Variants in GRIP1 observed in about 807,000 individuals in gnomAD.
GRIP1 encodes the protein glutamate receptor interacting protein 1, also known as glutamate receptor-interacting protein 1.
A neutral mutation model predicts 129.9 loss-of-function variants in GRIP1; 45 were observed. That is an observed-to-expected ratio of 0.35 (90% CI 0.27 to 0.44). The LOEUF (loss-of-function observed/expected upper bound fraction) is 0.44. Among genes scored for constraint, GRIP1 ranks in the 20% least tolerant of loss-of-function variants. The probability of loss-of-function intolerance (pLI) is 1.00; values close to 1 mark genes in which losing one functional copy is unlikely to be tolerated. For missense variants in GRIP1, 1,196 were observed against 1,396.8 expected, an observed-to-expected ratio of 0.86 and a Z score of 2.29; for synonymous variants, 530 against 520.8, an observed-to-expected ratio of 1.02 and a Z score of -0.24.
chr12:66,734,936 G>A (rs768091897), intron 1 of GRIP1, among the ~76,000 whole-genome samples: 13 of 152,182 alleles, frequency 8.5e-5, no homozygotes, highest in South Asian at 4.1e-4. Flanking sequence ...TTAAGTCTAC[G>A]TAATATAATA....
intron 1 of GRIP1, among the ~76,000 whole-genome samples, chr12:66,985,314 T>C (rs1365963462): frequency 6.6e-6 from 1 of 151,290 alleles, no homozygotes; most frequent in East Asian, 1.9e-4. Flanking sequence ...GCTTGCAGTA[T>C]GCGATATATT....
At chr12:66,651,253 T>C (rs2032774241) in intron 1 of GRIP1, among the ~76,000 whole-genome samples, 1 of 152,160 alleles carries the variant, frequency 6.6e-6, no homozygotes, top group Non-Finnish European at 1.5e-5. Context: ...TCTCCTTAAA[T>C]TTACATTCCA....
intron 1 of GRIP1, among the ~76,000 whole-genome samples, chr12:67,026,594 C>T (rs767868341): frequency 3.9e-5 from 6 of 152,298 alleles, no homozygotes; most frequent in Admixed American, 1.3e-4. Flanking sequence ...TCCAGCTTTT[C>T]GGCTCTCTGT....
At chr12:66,814,879 A>AGG (rs2039177747) in intron 1 of GRIP1, among the ~76,000 whole-genome samples, 1 of 152,124 alleles carries the variant, frequency 6.6e-6, no homozygotes, top group Non-Finnish European at 1.5e-5. Context: ...GAGTGTAACC[A>AGG]GGGGAAATGC....
intron 1 of GRIP1, among the ~76,000 whole-genome samples, chr12:66,758,769 G>A (rs993529834): frequency 8.5e-5 from 13 of 152,124 alleles, no homozygotes; most frequent in Non-Finnish European, 1.6e-4. Flanking sequence ...AATCCAGCAG[G>A]GCAGTCAAAT....
intron 1 of GRIP1, among the ~76,000 whole-genome samples, chr12:66,810,059 G>A (rs182261191): frequency 4.3e-4 from 66 of 152,238 alleles, no homozygotes; most frequent in African/African-American, 1.6e-3. Context: ...TTAAATCCTT[G>A]CAACCACTTC....
intron 17 of GRIP1, among the ~76,000 whole-genome samples, chr12:66,393,170 T>A (rs1351907623): frequency 2.2e-4 from 1 of 4,452 alleles, no homozygotes; most frequent in African/African-American, 3.2e-4. Flanking sequence ...TTTCTACAGA[T>A]TTTTTTTTTT....
chr12:66,941,746 T>C (rs893880352), intron 1 of GRIP1, among the ~76,000 whole-genome samples: 1 of 152,168 alleles, frequency 6.6e-6, no homozygotes, highest in Admixed American at 6.5e-5. Context: ...ATACTGATAA[T>C]TAAAAGGATG....
intron 1 of GRIP1, among the ~76,000 whole-genome samples, chr12:66,618,169 TACA>T (rs2065123309): frequency 1.3e-5 from 2 of 152,292 alleles, no homozygotes; most frequent in African/African-American, 2.4e-5. Context: ...AATAGAGTAG[TACA>T]ACAACAAGAA....
intron 1 of GRIP1, among the ~76,000 whole-genome samples, chr12:66,755,857 G>A (rs2037272308): frequency 6.6e-6 from 1 of 152,158 alleles, no homozygotes; most frequent in Non-Finnish European, 1.5e-5. Context: ...TCACTGTTGT[G>A]GAGTGTGGTT....
intron 7 of GRIP1, among the ~76,000 whole-genome samples, chr12:66,489,543 T>C (rs1044180606): frequency 2.6e-5 from 4 of 152,100 alleles, no homozygotes; most frequent in Non-Finnish European, 1.5e-5. Context: ...GCATTCACCT[T>C]AAAAACTGGC....
intron 1 of GRIP1, among the ~76,000 whole-genome samples, chr12:66,616,011 A>G (rs1005286812): frequency 2.6e-5 from 4 of 152,210 alleles, no homozygotes; most frequent in African/African-American, 7.2e-5. Context: ...TTTGGGGACA[A>G]TTAAATGATA....
intron 1 of GRIP1, among the ~76,000 whole-genome samples, chr12:66,853,142 C>G (rs187051847): frequency 2.4e-4 from 37 of 151,612 alleles, no homozygotes; most frequent in African/African-American, 8.9e-4. Context: ...TTTCTTCCGA[C>G]TGTAATTCTC....
intron 15 of GRIP1, among the ~76,000 whole-genome samples, chr12:66,410,348 T>C (rs1290296845): frequency 7.2e-6 from 1 of 138,926 alleles, no homozygotes; most frequent in Non-Finnish European, 1.6e-5. Context: ...AAAAAAAAGC[T>C]GGGCCAGGCA....
chr12:66,626,350 A>T (rs903141394), intron 1 of GRIP1, among the ~76,000 whole-genome samples: 2 of 151,782 alleles, frequency 1.3e-5, no homozygotes, highest in African/African-American at 2.4e-5. Context: ...CAAAAAAAAA[A>T]AAGTATATTT....
chr12:66,562,000 G>A (rs1040182561), intron 2 of GRIP1, among the ~76,000 whole-genome samples: 2 of 151,914 alleles, frequency 1.3e-5, no homozygotes, highest in South Asian at 2.1e-4. Flanking sequence ...TGGGGGATGT[G>A]GGGGTGTTGA....
intron 1 of GRIP1, among the ~76,000 whole-genome samples, chr12:66,891,456 G>A (rs1202364148): frequency 6.6e-6 from 1 of 152,304 alleles, no homozygotes; most frequent in East Asian, 1.9e-4. Context: ...GAAGTAACAA[G>A]AAAGGATTTC....
chr12:66,561,715 A>C (rs2062537996), intron 2 of GRIP1, among the ~76,000 whole-genome samples: 2 of 152,086 alleles, frequency 1.3e-5, no homozygotes, highest in African/African-American at 4.8e-5. Flanking sequence ...AGAGAACTGA[A>C]GTATATGGCT....
At chr12:66,998,205 T>G (rs930354908) in intron 1 of GRIP1, among the ~76,000 whole-genome samples, 2 of 152,190 alleles carry the variant, frequency 1.3e-5, no homozygotes, top group Admixed American at 1.3e-4. Flanking sequence ...AAAAGCCGCA[T>G]GTGGCTACTG....
Sources: gnomAD v4.1 joint callset for allele counts (sites outside exome capture counted in the v4.1 genomes callset) on GRCh38, gnomAD v4.1.1 for gene constraint, MANE v1.5 for transcripts, NCBI Gene and HGNC (gene_info 2026-07-23, HGNC 2026-07-21) for gene names.